CDHR3: variants seen among roughly 807,000 people sequenced by gnomAD.
CDHR3 encodes cadherin related family member 3.
CDHR3 carries 79 observed loss-of-function variants against 86.6 expected under a neutral mutation model. That is an observed-to-expected ratio of 0.91 (90% confidence interval 0.76 to 1.10). The LOEUF is 1.10. Among genes scored for constraint, CDHR3 ranks in the 50% least tolerant of loss-of-function variants. The pLI is 0.00. For missense variants in CDHR3, 1,081 were observed against 1,077.6 expected (o/e 1.00, Z -0.04); for synonymous variants, 421 against 402.4 (o/e 1.05, Z -0.55).
intron 4 of CDHR3, among the ~76,000 whole-genome samples, chr7:105,992,756 A>C (rs1334482453): frequency 6.6e-6 from 1 of 152,204 alleles, no homozygotes. Context: ...CATCATTGCT[A>C]TTTTTGGAGG....
intron 8 of CDHR3, among the ~76,000 whole-genome samples, chr7:106,009,626 G>A (rs1231294294): frequency 6.6e-6 from 1 of 152,184 alleles, no homozygotes; most frequent in Non-Finnish European, 1.5e-5. Context: ...CTGTGCTCCC[G>A]CAGGGAGGAG....
chr7:106,006,995 G>A (rs1395622808), intron 8 of CDHR3, among the ~76,000 whole-genome samples: 1 of 152,224 alleles, frequency 6.6e-6, no homozygotes, highest in Non-Finnish European at 1.5e-5. Flanking sequence ...CTAAGCGGAG[G>A]TTCTCAAACC....
intron 12 of CDHR3, among the ~76,000 whole-genome samples, chr7:106,018,883 G>A (rs1183269247): frequency 6.6e-6 from 1 of 152,110 alleles, no homozygotes; most frequent in African/African-American, 2.4e-5. Flanking sequence ...CAGATTCTGA[G>A]TCAGAGGGTC....
In CDHR3 at chr7:105,994,858, T is replaced by C. The variant is rs903682166; in HGVS notation, c.608+13T>C. The C allele has an allele frequency of 1.3e-6, 2 of 1,587,148 alleles. No individual in the cohort carries two copies. The highest frequency in any genetic ancestry group is 1.1e-5 in the South Asian group (1 of 87,768). On this transcript the variant is annotated intron_variant, in intron 5 of 18. Coordinates refer to ENST00000317716, the MANE Select transcript of CDHR3 (RefSeq NM_152750.5). ...CAGGACACAGAAGGTAGTCTTGCTA[T>C]TGACCTTGCATGAAGTACTGTTTAT...
chr7:105,988,453 G>A (rs1439321114), intron 4 of CDHR3, among the ~76,000 whole-genome samples: 2 of 152,168 alleles, frequency 1.3e-5, no homozygotes, highest in African/African-American at 2.4e-5. Flanking sequence ...ACCTGGTGGG[G>A]TCCACGAGTC....
At chr7:106,023,268 T>A (rs1176496376) in intron 14 of CDHR3, among the ~76,000 whole-genome samples, 2 of 152,232 alleles carry the variant, frequency 1.3e-5, no homozygotes, top group African/African-American at 4.8e-5. Context: ...TCCAGTGAGC[T>A]GTGTTTTCAA....
chr7:105,972,986 G>A (rs541802644), intron 1 of CDHR3, among the ~76,000 whole-genome samples: 1 of 152,038 alleles, frequency 6.6e-6, no homozygotes, highest in South Asian at 2.1e-4. Context: ...ACCCCACCCC[G>A]CACCAACTGA....
Position 106,034,063 on chromosome 7 carries a change from C to G in CDHR3, c.*1366C>G, listed in dbSNP as rs956567448. Among the ~76,000 whole-genome samples the G allele has an allele frequency of 6.6e-6, 1 of 152,228 alleles. No individual in the cohort carries two copies. The highest frequency in any genetic ancestry group is 2.4e-5 in the African/African-American group (1 of 41,460). On this transcript the variant is annotated 3_prime_UTR_variant, in exon 19 of 19. Coordinates refer to ENST00000317716, the MANE Select transcript of CDHR3 (RefSeq NM_152750.5). ...ACCATCAGCCTTACAACCTACCTGC[C>G]TTGCTCCTTCCCACTTCCTATGATT...
At chr7:106,023,394 G>C (rs1334306285) in intron 14 of CDHR3, among the ~76,000 whole-genome samples, 1 of 152,220 alleles carries the variant, frequency 6.6e-6, no homozygotes, top group Non-Finnish European at 1.5e-5. Flanking sequence ...CTGTGGGAAA[G>C]GGTAGGAAGA....
chr7:105,996,853 G>C (rs1391706586), intron 6 of CDHR3, among the ~76,000 whole-genome samples: 2 of 152,164 alleles, frequency 1.3e-5, no homozygotes, highest in Non-Finnish European at 2.9e-5. Context: ...ATCCGGCTGT[G>C]TCTGGCAGCT....
At position 106,022,231 on chromosome 7, in the gene CDHR3, A is replaced by C; in HGVS notation, c.1859A>C (p.Asn620Thr). The C allele has an allele frequency of 2.5e-6, 4 of 1,613,932 alleles. No individual in the cohort carries two copies. Among genetic ancestry groups the C allele is most frequent in the Non-Finnish European group, 3.4e-6 (4 of 1,179,866 alleles). ...NVNNHFTFSPNAGSNVTRLLL... is the reference protein window; with the variant it reads ...NVNNHFTFSPTAGSNVTRLLL... ...AACAATCATTTCACCTTCTCTCCCA[A>C]TGCTGGTTCCAATGTCACACGCCTG... Residue 620 changes from asparagine to threonine, a missense_variant, in exon 14 of 19, where the codon AAT (asparagine) becomes ACT (threonine). Asn to Thr is a moderately conservative substitution (Grantham distance 65, BLOSUM62 0). Coordinates refer to ENST00000317716, the MANE Select transcript of CDHR3 (RefSeq NM_152750.5).
chr7:105,971,107 T>C (rs201534823), intron 1 of CDHR3, among the ~76,000 whole-genome samples: 2 of 148,412 alleles, frequency 1.3e-5, no homozygotes, highest in Non-Finnish European at 3.0e-5. Flanking sequence ...CGCCACTGCA[T>C]TCCAGCCTGG....
rs908154698 is a variant in CDHR3, at chr7:106,034,083, A to G, written c.*1386A>G. Among the ~76,000 whole-genome samples, 5 of 152,190 alleles carry G rather than the reference A, an allele frequency of 3.3e-5. No individual in the cohort carries two copies. The highest frequency in any genetic ancestry group is 7.3e-5 in the Non-Finnish European group (5 of 68,032). On this transcript the variant is annotated 3_prime_UTR_variant, in exon 19 of 19. Transcript: ENST00000317716. ...CCTGCCTTGCTCCTTCCCACTTCCT[A>G]TGATTGGAAGGAACTGCAGGACTCT...
chr7:106,032,846 T>G lies in CDHR3; in HGVS notation c.*149T>G, dbSNP rs1838589314. 1.4e-6 allele frequency: 1 copy of G among 717,448 alleles called. No homozygotes were observed. Among genetic ancestry groups the G allele is most frequent in the South Asian group, 2.1e-5 (1 of 46,908 alleles). The allele number at this position is 717,448 out of a possible 1,614,324, so 44.4% of individuals were successfully genotyped here. ...AAACATGGGATGTTTGACAAATTTT[T>G]AAACAAATAGAAAGGGGTTTGATCA... On this transcript the variant is annotated 3_prime_UTR_variant, in exon 19 of 19. Coordinates refer to ENST00000317716, the MANE Select transcript of CDHR3 (RefSeq NM_152750.5).
chr7:106,002,026 A>G (rs1337360115), intron 7 of CDHR3, among the ~76,000 whole-genome samples: 1 of 152,096 alleles, frequency 6.6e-6, no homozygotes, highest in Non-Finnish European at 1.5e-5. Context: ...ATCTTCTGGT[A>G]TTGGGCATGT....
intron 10 of CDHR3, among the ~76,000 whole-genome samples, chr7:106,015,659 C>T (rs183929996): frequency 1.6e-3 from 248 of 152,240 alleles, no homozygotes; most frequent in Non-Finnish European, 2.9e-3. Context: ...CCTCCCTGCC[C>T]CATTTGTCTA....
intron 16 of CDHR3, among the ~76,000 whole-genome samples, chr7:106,028,172 TAAAATAAAAG>T (rs796779421): frequency 0.029 from 3,986 of 135,430 alleles, 105 homozygotes; most frequent in South Asian, 0.12. Context: ...TAAAATAAAA[TAAAATAAAAG>T]GGCTTGGGAA....
intron 3 of CDHR3, among the ~76,000 whole-genome samples, chr7:105,982,204 C>T (rs1410258264): frequency 1.3e-5 from 2 of 152,306 alleles, no homozygotes. Flanking sequence ...CGCGGTGGCT[C>T]ACGCCTGTAA....
rs1310157690 is a variant in CDHR3, at chr7:106,001,439, T to C, written c.714-23T>C. On this transcript the variant is annotated intron_variant, in intron 6 of 18. Transcript: ENST00000317716. ...TTCCCGTGCCCCTGGAAATTAGCTG[T>C]GTCTGCTGTATCTCTGTTCCAGCCC... 3 of 1,612,262 alleles carry C rather than the reference T, an allele frequency of 1.9e-6. No individual in the cohort carries two copies. In the African/African-American group the frequency reaches 4.0e-5, roughly 22 times the overall value.
Sources: gnomAD v4.1 joint callset for allele counts (sites outside exome capture counted in the v4.1 genomes callset) on GRCh38, gnomAD v4.1.1 for gene constraint, MANE v1.5 for transcripts, NCBI Gene and HGNC (gene_info 2026-07-23, HGNC 2026-07-21) for gene names.